ADGRL3: variants seen among roughly 807,000 people sequenced by gnomAD.
The protein encoded by ADGRL3 is calcium-independent alpha-latrotoxin receptor 3.
In ADGRL3, 62 loss-of-function variants were observed where a neutral mutation model predicts 153.5. The observed-to-expected ratio is 0.40, with a 90% CI of 0.33 to 0.50. ADGRL3 has a LOEUF of 0.50. Among genes scored for constraint, ADGRL3 ranks in the 20% least tolerant of loss-of-function variants. ADGRL3 has a pLI of 0.47. For missense variants in ADGRL3, 1,641 were observed against 1,859.4 expected (o/e 0.88, Z 2.16); for synonymous variants, 710 against 672.5 (o/e 1.06, Z -0.86).
At chr4:61,767,670 C>T (rs566741461) in intron 8 of ADGRL3, among the ~76,000 whole-genome samples, 1 of 152,208 alleles carries the variant, frequency 6.6e-6, no homozygotes, top group South Asian at 2.1e-4. Flanking sequence ...CAGTGGGGTC[C>T]CACACAGATG....
intron 6 of ADGRL3, among the ~76,000 whole-genome samples, chr4:61,709,726 A>G (rs993458703): frequency 2.4e-4 from 36 of 152,170 alleles, no homozygotes; most frequent in Admixed American, 1.6e-3. Flanking sequence ...ATCCAATACA[A>G]CATTTATTGA....
At position 61,202,817 on chromosome 4, in the gene ADGRL3, G is replaced by A. The variant is rs1028779612; in HGVS notation, c.-240+1052G>A. Among the ~76,000 whole-genome samples, 2 of 152,180 alleles carry A rather than the reference G, an allele frequency of 1.3e-5. No homozygotes were observed. Among genetic ancestry groups the A allele is most frequent in the Non-Finnish European group, 2.9e-5 (2 of 68,016 alleles). ...CGACCTCCTCTACCAGCCTTACTTGGCGGCGGAGTCAGCGTTTGAGTGTGT... is the reference window on the plus strand; with the variant it reads ...CGACCTCCTCTACCAGCCTTACTTGACGGCGGAGTCAGCGTTTGAGTGTGT... On this transcript the variant is annotated intron_variant, in intron 1 of 26. Transcript: ENST00000683033. This position sits in a 1 kb window ranked among gnomAD's most constrained non-coding sequence, Gnocchi z 5.0.
At chr4:61,263,492 T>A (rs901679882) in intron 1 of ADGRL3, among the ~76,000 whole-genome samples, 1 of 150,924 alleles carries the variant, frequency 6.6e-6, no homozygotes, top group Admixed American at 6.6e-5. Flanking sequence ...AAAAGTCTCA[T>A]CTCTTTGACT....
intron 9 of ADGRL3, among the ~76,000 whole-genome samples, chr4:61,872,613 T>C (rs557737726): frequency 2.0e-5 from 3 of 151,476 alleles, no homozygotes; most frequent in Non-Finnish European, 2.9e-5. Flanking sequence ...CATTTACTTA[T>C]TCAGTTTCAA....
chr4:61,983,018 T>C (rs2150866164), intron 18 of ADGRL3, among the ~76,000 whole-genome samples: 1 of 152,232 alleles, frequency 6.6e-6, no homozygotes, highest in Middle Eastern at 3.4e-3. Context: ...TAACTCTGAC[T>C]CTAACTCTAA....
chr4:61,396,212 T>A (rs1019449564), intron 2 of ADGRL3, among the ~76,000 whole-genome samples: 2 of 151,978 alleles, frequency 1.3e-5, no homozygotes, highest in Non-Finnish European at 1.5e-5. Flanking sequence ...TAGCAGAAAG[T>A]GAACTTTTAA....
chr4:62,033,979 T>C (rs1415992863), intron 23 of ADGRL3, among the ~76,000 whole-genome samples: 3 of 151,936 alleles, frequency 2.0e-5, no homozygotes, highest in South Asian at 4.1e-4. Context: ...AAAAATGTTA[T>C]TTTAATTTTT....
At chr4:61,418,028 C>T (rs1578741494) in intron 2 of ADGRL3, among the ~76,000 whole-genome samples, 1 of 152,122 alleles carries the variant, frequency 6.6e-6, no homozygotes, top group Admixed American at 6.5e-5. Flanking sequence ...CTGCAAAGAA[C>T]TCTTTTTCTA....
chr4:61,382,879 G>A (rs1422003427), intron 1 of ADGRL3, among the ~76,000 whole-genome samples: 1 of 151,712 alleles, frequency 6.6e-6, no homozygotes, highest in South Asian at 2.1e-4. Flanking sequence ...GAAATCTGTA[G>A]CTACCAAATC....
At chr4:61,453,619 T>C (rs753095933) in intron 2 of ADGRL3, among the ~76,000 whole-genome samples, 4 of 152,164 alleles carry the variant, frequency 2.6e-5, no homozygotes, top group Non-Finnish European at 5.9e-5. Flanking sequence ...ACATTGCCTC[T>C]AAGTTTATCA....
At chr4:61,399,781 C>G (rs1286858272) in intron 2 of ADGRL3, among the ~76,000 whole-genome samples, 1 of 151,624 alleles carries the variant, frequency 6.6e-6, no homozygotes, top group Non-Finnish European at 1.5e-5. Context: ...TTCCCTCTTG[C>G]TCTATAAACT....
chr4:61,896,509 A>G lies in ADGRL3; in HGVS notation c.1887+675A>G, dbSNP rs78690390. On this transcript the variant is annotated intron_variant, in intron 11 of 26. Transcript: ENST00000683033. ...AGCTATGCTGAGGAATTTCTGAGAG[A>G]GATTTTCCCGAGAAATATTACAAAT... is the stretch of plus-strand genomic sequence containing the variant. 2.2e-3 allele frequency among the ~76,000 whole-genome samples: 330 copies of G among 152,204 alleles called. 1 individual carries two copies. Among genetic ancestry groups the G allele is most frequent in the African/African-American group, 7.7e-3 (318 of 41,528 alleles).
intron 1 of ADGRL3, among the ~76,000 whole-genome samples, chr4:61,337,185 C>T (rs1400041515): frequency 1.3e-5 from 2 of 152,116 alleles, no homozygotes; most frequent in Non-Finnish European, 2.9e-5. Flanking sequence ...GAATTCTTAG[C>T]TCTGAACTCT....
intron 6 of ADGRL3, among the ~76,000 whole-genome samples, chr4:61,687,389 G>C (rs755720551): frequency 1.6e-4 from 25 of 151,896 alleles, no homozygotes; most frequent in Admixed American, 3.3e-4. Context: ...TGTTGGGAAG[G>C]GGATATATGA....
Position 61,311,239 on chromosome 4 carries a change from G to A in ADGRL3, c.-239-71885G>A, listed in dbSNP as rs549384400. Among the ~76,000 whole-genome samples the A allele has an allele frequency of 2.4e-3, 364 of 152,216 alleles. 1 individual carries two copies. The highest frequency in any genetic ancestry group is 5.2e-3 in the South Asian group (25 of 4,824). On this transcript the variant is annotated intron_variant, in intron 1 of 26. Transcript: ENST00000683033. ...AGTGCATGACAGATCATTTTCTTGGGTATCTCTTCTCCAAATGGTGATCTG... is the reference window on the plus strand; with the variant it reads ...AGTGCATGACAGATCATTTTCTTGGATATCTCTTCTCCAAATGGTGATCTG...
At chr4:61,362,544 T>C (rs1233524905) in intron 1 of ADGRL3, among the ~76,000 whole-genome samples, 1 of 152,110 alleles carries the variant, frequency 6.6e-6, no homozygotes, top group Non-Finnish European at 1.5e-5. Context: ...ACACATATTT[T>C]ATAGGTTAGG....
chr4:61,368,479 A>G (rs1002058372), intron 1 of ADGRL3, among the ~76,000 whole-genome samples: 3 of 152,174 alleles, frequency 2.0e-5, no homozygotes, highest in Non-Finnish European at 4.4e-5. Context: ...CATTTATTAA[A>G]TGGGGAATCC....
In ADGRL3 at chr4:61,688,584, T is replaced by C. The variant is rs116916703; in HGVS notation, c.583+11649T>C. Among the ~76,000 whole-genome samples, 10 of 152,274 alleles carry C rather than the reference T, an allele frequency of 6.6e-5. No homozygotes were observed. In the East Asian group the frequency reaches 1.5e-3, roughly 24 times the overall value. On this transcript the variant is annotated intron_variant, in intron 6 of 26. Coordinates refer to ENST00000683033, the MANE Select transcript of ADGRL3 (RefSeq NM_001387552.1). ...GCTCAGTCTCTCATAGCCATTCGAA[T>C]TAATACACCTATTGCATGCCACTCA... is the stretch of plus-strand genomic sequence containing the variant.
chr4:61,979,147 A>G (rs927452741), intron 17 of ADGRL3, among the ~76,000 whole-genome samples: 2 of 152,206 alleles, frequency 1.3e-5, no homozygotes, highest in Non-Finnish European at 2.9e-5. Flanking sequence ...TTGAGATACA[A>G]CTTCCCCAAG....
Sources: allele counts gnomAD v4.1 joint callset (sites outside exome capture counted in the v4.1 genomes callset), GRCh38; gene constraint gnomAD v4.1.1; non-coding constraint Gnocchi (gnomAD v3.1); transcripts MANE v1.5; gene names NCBI Gene and HGNC (gene_info 2026-07-23, HGNC 2026-07-21).